The following ATG7 variants were observed in gnomAD, a reference collection of about 807,000 sequenced individuals.
ATG7 encodes ubiquitin-like modifier-activating enzyme ATG7.
Under a neutral mutation model 82.4 loss-of-function variants are expected in ATG7, and 70 were observed. That is an observed-to-expected ratio of 0.85 (90% CI 0.70 to 1.04). ATG7 has a LOEUF of 1.04. Ranked by LOEUF, ATG7 falls within the 50% of genes least tolerant of loss-of-function variation. The pLI is 0.00. For missense variants in ATG7, 792 were observed against 864.3 expected (o/e 0.92, Z 1.05); for synonymous variants, 287 against 313.0 (o/e 0.92, Z 0.88).
intron 3 of ATG7, among the ~76,000 whole-genome samples, chr3:11,298,051 C>T (rs1020777292): frequency 2.0e-5 from 3 of 151,976 alleles, no homozygotes; most frequent in Non-Finnish European, 4.4e-5. Context: ...TGGTGGCATG[C>T]GCCTGTAGTC....
At chr3:11,312,759 CAT>C (rs1425384284) in intron 7 of ATG7, among the ~76,000 whole-genome samples, 3 of 152,198 alleles carry the variant, frequency 2.0e-5, no homozygotes, top group South Asian at 4.1e-4. Flanking sequence ...TCCTTAATAA[CAT>C]GTAATTTATT....
chr3:11,534,497 T>TC (rs1440911695), intron 20 of ATG7, among the ~76,000 whole-genome samples: 1 of 152,206 alleles, frequency 6.6e-6, no homozygotes, highest in Non-Finnish European at 1.5e-5. Flanking sequence ...AGAGGACACC[T>TC]CCCCAGAGCC....
At chr3:11,373,867 G>T (rs1328010717) in intron 18 of ATG7, among the ~76,000 whole-genome samples, 1 of 152,154 alleles carries the variant, frequency 6.6e-6, no homozygotes, top group East Asian at 1.9e-4. Flanking sequence ...ATGAATGGTG[G>T]CAAGTCAGAG....
At chr3:11,352,983 G>A (rs910302739) in intron 14 of ATG7, among the ~76,000 whole-genome samples, 8 of 152,100 alleles carry the variant, frequency 5.3e-5, no homozygotes, top group African/African-American at 1.7e-4. Flanking sequence ...CTAGATATTT[G>A]GTTACCTGGA....
chr3:11,367,210 G>T (rs760302840), intron 18 of ATG7, among the ~76,000 whole-genome samples: 15 of 151,980 alleles, frequency 9.9e-5, no homozygotes, highest in Non-Finnish European at 1.9e-4. Flanking sequence ...TCGTTTCCAC[G>T]TTTCCACAAA....
chr3:11,412,214 A>G (rs1033561600), intron 19 of ATG7, among the ~76,000 whole-genome samples: 7 of 151,936 alleles, frequency 4.6e-5, no homozygotes, highest in African/African-American at 1.7e-4. Flanking sequence ...AGAGAGGGGT[A>G]AGGAAGCATC....
chr3:11,500,339 ACCT>A (rs2153060668), intron 20 of ATG7, among the ~76,000 whole-genome samples: 2 of 152,334 alleles, frequency 1.3e-5, no homozygotes, highest in East Asian at 3.9e-4. Context: ...TAATTGATGA[ACCT>A]TCTTAGTTGC....
chr3:11,354,078 C>T (rs528150971), intron 14 of ATG7, among the ~76,000 whole-genome samples: 8 of 152,214 alleles, frequency 5.3e-5, no homozygotes, highest in African/African-American at 1.4e-4. Context: ...CCAGACTAAC[C>T]GTATTCTGGC....
At chr3:11,324,133 C>T (rs1286012561) in intron 9 of ATG7, among the ~76,000 whole-genome samples, 3 of 152,172 alleles carry the variant, frequency 2.0e-5, no homozygotes, top group Non-Finnish European at 4.4e-5. Flanking sequence ...TCTTCAGTTA[C>T]GTTGAGCTTC....
intron 20 of ATG7, among the ~76,000 whole-genome samples, chr3:11,549,948 T>C (rs1024968009): frequency 6.6e-6 from 1 of 152,218 alleles, no homozygotes; most frequent in Non-Finnish European, 1.5e-5. Flanking sequence ...TGTCTCTTTA[T>C]GGTTTTGATT....
chr3:11,278,434 C>T (rs384989), intron 1 of ATG7, among the ~76,000 whole-genome samples: 79,833 of 152,098 alleles, frequency 0.52, 21,978 homozygotes, highest in East Asian at 0.63. Flanking sequence ...TCTGCTGCAG[C>T]TCCAGCCGGT....
chr3:11,508,183 A>C (rs2091849066), intron 20 of ATG7, among the ~76,000 whole-genome samples: 1 of 152,082 alleles, frequency 6.6e-6, no homozygotes, highest in African/African-American at 2.4e-5. Flanking sequence ...CACTCTTACT[A>C]GCTATGGACA....
At chr3:11,508,770 C>G (rs1348915644) in intron 20 of ATG7, among the ~76,000 whole-genome samples, 5 of 152,184 alleles carry the variant, frequency 3.3e-5, no homozygotes, top group Non-Finnish European at 7.3e-5. Flanking sequence ...CTATTTTGAA[C>G]TAATAATCCT....
intron 19 of ATG7, among the ~76,000 whole-genome samples, chr3:11,405,962 TCTTC>T (rs1298460932): frequency 2.6e-5 from 4 of 151,198 alleles, no homozygotes; most frequent in East Asian, 2.0e-4. Flanking sequence ...CCTTTCCTTT[TCTTC>T]CTTCCTTCCT....
chr3:11,441,704 T>C (rs1287358091), intron 20 of ATG7, among the ~76,000 whole-genome samples: 7 of 151,016 alleles, frequency 4.6e-5, no homozygotes, highest in African/African-American at 1.7e-4. Context: ...TCTTGCTCTG[T>C]TGCCCAGGCT....
chr3:11,528,832 A>G (rs1466308505), intron 20 of ATG7, among the ~76,000 whole-genome samples: 8 of 151,888 alleles, frequency 5.3e-5, no homozygotes, highest in African/African-American at 1.9e-4. Context: ...TCTCAAAAAA[A>G]AAAAAAAAAA....
At chr3:11,465,140 G>A (rs756594569) in intron 20 of ATG7, among the ~76,000 whole-genome samples, 4 of 151,350 alleles carry the variant, frequency 2.6e-5, no homozygotes, top group Non-Finnish European at 5.9e-5. Context: ...GAGTTCTAGA[G>A]CTGAGTGAAA....
At chr3:11,330,912 G>A (rs1242994189) in intron 9 of ATG7, among the ~76,000 whole-genome samples, 4 of 152,174 alleles carry the variant, frequency 2.6e-5, no homozygotes, top group African/African-American at 9.7e-5. Flanking sequence ...TGATCTGACT[G>A]TACACTTACA....
chr3:11,564,664 C>CCCT, the ATG7 span: 2 of 1,073,906 alleles, frequency 1.9e-6, no homozygotes, highest in East Asian at 5.3e-5. Flanking sequence ...AGGGTGGCAT[C>CCCT]CCTCACCACC....
Sources: allele counts gnomAD v4.1 joint callset (sites outside exome capture counted in the v4.1 genomes callset), GRCh38; gene constraint gnomAD v4.1.1; transcripts MANE v1.5; gene names NCBI Gene and HGNC (gene_info 2026-07-23, HGNC 2026-07-21).